The following SGCZ variants were observed in gnomAD, a reference collection of about 807,000 sequenced individuals.
SGCZ encodes the protein zeta-sarcoglycan.
SGCZ carries 40 observed loss-of-function variants against 41.3 expected under a neutral mutation model. The observed-to-expected ratio is 0.97, with a 90% CI of 0.75 to 1.26. SGCZ has a LOEUF of 1.26. Among genes scored for constraint, SGCZ ranks in the 50% most tolerant of loss-of-function variants. The pLI is 0.00. For synonymous variants in SGCZ, 206 were observed against 137.5 expected (o/e 1.50, Z -3.49); for missense variants, 552 against 369.8 (o/e 1.49, Z -4.04).
chr8:14,990,760 G>A (rs1801986547), intron 1 of SGCZ, among the ~76,000 whole-genome samples: 1 of 152,064 alleles, frequency 6.6e-6, no homozygotes, highest in South Asian at 2.1e-4. Context: ...CCATCCCAGT[G>A]CTAACTCGGT....
At chr8:14,426,733 G>A (rs141464860) in intron 2 of SGCZ, among the ~76,000 whole-genome samples, 157 of 152,202 alleles carry the variant, frequency 1.0e-3, no homozygotes, top group African/African-American at 3.5e-3. Flanking sequence ...CTCACAGCAG[G>A]CAACTGGAAG....
At chr8:14,829,912 C>G (rs1034283158) in intron 1 of SGCZ, among the ~76,000 whole-genome samples, 1 of 151,982 alleles carries the variant, frequency 6.6e-6, no homozygotes, top group Admixed American at 6.6e-5. Context: ...CCCGGGTTCA[C>G]GCCATTCTCC....
intron 1 of SGCZ, among the ~76,000 whole-genome samples, chr8:14,953,596 A>AC (rs991621989): frequency 6.6e-6 from 1 of 152,090 alleles, no homozygotes; most frequent in African/African-American, 2.4e-5. Context: ...GAGGTTAAGG[A>AC]CCCCAGCTCT....
At chr8:14,535,948 G>C (rs76652936) in intron 2 of SGCZ, among the ~76,000 whole-genome samples, 1 of 151,730 alleles carries the variant, frequency 6.6e-6, no homozygotes, top group African/African-American at 2.4e-5. Flanking sequence ...AATTATTGAT[G>C]ATCTTACATA....
intron 5 of SGCZ, among the ~76,000 whole-genome samples, chr8:14,131,167 C>T (rs1017695741): frequency 1.3e-5 from 2 of 152,112 alleles, no homozygotes; most frequent in Admixed American, 6.5e-5. Context: ...AATGAAGCAA[C>T]GAATCTCTAG....
chr8:14,322,015 CAT>C (rs757703281), intron 3 of SGCZ, among the ~76,000 whole-genome samples: 1 of 152,042 alleles, frequency 6.6e-6, no homozygotes, highest in Non-Finnish European at 1.5e-5. Context: ...ACAAGTGAAT[CAT>C]AATGTGAGAG....
At chr8:14,605,139 G>T (rs1805708267) in intron 1 of SGCZ, among the ~76,000 whole-genome samples, 1 of 152,164 alleles carries the variant, frequency 6.6e-6, no homozygotes, top group South Asian at 2.1e-4. Context: ...AGAATATTCA[G>T]CTACTTGCCT....
chr8:14,492,455 C>G (rs1278400954), intron 2 of SGCZ, among the ~76,000 whole-genome samples: 1 of 152,176 alleles, frequency 6.6e-6, no homozygotes, highest in Admixed American at 6.5e-5. Context: ...AATTGGTGAA[C>G]TGCTTCCATT....
At chr8:14,396,633 G>C (rs1052388339) in intron 2 of SGCZ, among the ~76,000 whole-genome samples, 4 of 151,926 alleles carry the variant, frequency 2.6e-5, no homozygotes, top group Non-Finnish European at 5.9e-5. Context: ...ATTGCATCTA[G>C]ACAACCTGGT....
intron 1 of SGCZ, among the ~76,000 whole-genome samples, chr8:14,772,909 G>T (rs547886967): frequency 6.6e-6 from 1 of 152,050 alleles, no homozygotes; most frequent in Admixed American, 6.6e-5. Flanking sequence ...TGTCTTTATA[G>T]CAGCATGATT....
At chr8:14,550,738 C>G (rs1803778831) in intron 2 of SGCZ, among the ~76,000 whole-genome samples, 1 of 151,992 alleles carries the variant, frequency 6.6e-6, no homozygotes, top group Non-Finnish European at 1.5e-5. Flanking sequence ...CTTCCCAACT[C>G]AAGATGGCCC....
intron 2 of SGCZ, among the ~76,000 whole-genome samples, chr8:14,514,839 A>ACT (rs1802574157): frequency 6.8e-6 from 1 of 148,054 alleles, no homozygotes; most frequent in Non-Finnish European, 1.5e-5. Context: ...ACACACACAC[A>ACT]CACACTGCAT....
At chr8:15,001,686 A>G (rs181867695) in intron 1 of SGCZ, among the ~76,000 whole-genome samples, 117 of 142,424 alleles carry the variant, frequency 8.2e-4, no homozygotes, top group East Asian at 7.9e-3. Context: ...CCGAGATTGC[A>G]CCACTGCACT....
At chr8:14,825,368 T>C (rs967447344) in intron 1 of SGCZ, among the ~76,000 whole-genome samples, 5 of 152,196 alleles carry the variant, frequency 3.3e-5, no homozygotes, top group Non-Finnish European at 4.4e-5. Flanking sequence ...TTAATACATG[T>C]GCTTAGATTT....
intron 1 of SGCZ, among the ~76,000 whole-genome samples, chr8:15,208,665 ATTAGAGAT>A (rs1801145327): frequency 6.6e-6 from 1 of 152,144 alleles, no homozygotes; most frequent in Non-Finnish European, 1.5e-5. Flanking sequence ...CAGTTGAGGC[ATTAGAGAT>A]CAAGTGACTT....
At chr8:15,083,144 G>A (rs1408865282) in intron 1 of SGCZ, among the ~76,000 whole-genome samples, 1 of 152,142 alleles carries the variant, frequency 6.6e-6, no homozygotes, top group Non-Finnish European at 1.5e-5. Flanking sequence ...ACTGACAGAT[G>A]CCCAAGGAAA....
chr8:14,566,644 G>C (rs1324409894), intron 1 of SGCZ, among the ~76,000 whole-genome samples: 1 of 152,234 alleles, frequency 6.6e-6, no homozygotes, highest in Non-Finnish European at 1.5e-5. Context: ...ATGATAGTGA[G>C]AGGTGACAGC....
intron 1 of SGCZ, among the ~76,000 whole-genome samples, chr8:14,893,108 G>T (rs555695979): frequency 6.6e-6 from 1 of 152,278 alleles, no homozygotes; most frequent in African/African-American, 2.4e-5. Context: ...GGGAAGTTCT[G>T]CTGGAGTATC....
At chr8:14,157,336 CTG>C (rs71209015) in intron 5 of SGCZ, among the ~76,000 whole-genome samples, 39,313 of 138,422 alleles carry the variant, frequency 0.28, 6,369 homozygotes, top group Non-Finnish European at 0.37. Flanking sequence ...ATATATGCCT[CTG>C]TGTGTGTGTG....
Sources: gnomAD v4.1 joint callset for allele counts (sites outside exome capture counted in the v4.1 genomes callset) on GRCh38, gnomAD v4.1.1 for gene constraint, MANE v1.5 for transcripts, NCBI Gene and HGNC (gene_info 2026-07-23, HGNC 2026-07-21) for gene names.